LRP6: variants seen among roughly 807,000 people sequenced by gnomAD.
LRP6 encodes LDL receptor related protein 6.
In LRP6, 43 loss-of-function variants were observed where a neutral mutation model predicts 184.1. The ratio of observed to expected loss-of-function variants is 0.23; its 90% CI spans 0.18 to 0.30. LRP6 has a LOEUF of 0.30. Among genes scored for constraint, LRP6 ranks in the 10% least tolerant of loss-of-function variants. The probability of loss-of-function intolerance (pLI) is 1.00; values close to 1 mark genes in which losing one functional copy is unlikely to be tolerated. For synonymous variants in LRP6, 719 were observed against 684.9 expected, an observed-to-expected ratio of 1.05 and a Z score of -0.78; for missense variants, 1,571 against 2,005.3, an observed-to-expected ratio of 0.78 and a Z score of 4.14.
intron 17 of LRP6, among the ~76,000 whole-genome samples, chr12:12,132,955 C>T (rs1949778288): frequency 6.6e-6 from 1 of 152,122 alleles, no homozygotes; most frequent in African/African-American, 2.4e-5. Flanking sequence ...ATCTAGAGAA[C>T]CCATAACCTT....
At chr12:12,238,130 T>C (rs527888082) in intron 2 of LRP6, among the ~76,000 whole-genome samples, 8 of 151,804 alleles carry the variant, frequency 5.3e-5, no homozygotes, top group African/African-American at 1.9e-4. Context: ...AATTAAAATA[T>C]AGTCACTGAT....
chr12:12,251,909 G>T (rs1341665898), intron 1 of LRP6, among the ~76,000 whole-genome samples: 2 of 152,004 alleles, frequency 1.3e-5, no homozygotes, highest in African/African-American at 4.8e-5. Flanking sequence ...TCACCCTGTT[G>T]TCCAGGCTGG....
At chr12:12,233,680 G>C (rs1864850290) in intron 2 of LRP6, among the ~76,000 whole-genome samples, 1 of 152,120 alleles carries the variant, frequency 6.6e-6, no homozygotes, top group East Asian at 1.9e-4. Flanking sequence ...ACATTTCTGA[G>C]ACACAGATAT....
chr12:12,257,423 CA>C (rs947033294), intron 1 of LRP6, among the ~76,000 whole-genome samples: 1 of 150,466 alleles, frequency 6.6e-6, no homozygotes, highest in Admixed American at 6.6e-5. Flanking sequence ...TAAAAAAATA[CA>C]AAAAAAATTA....
intron 1 of LRP6, among the ~76,000 whole-genome samples, chr12:12,259,598 G>A (rs932184683): frequency 6.6e-6 from 1 of 152,124 alleles, no homozygotes; most frequent in Admixed American, 6.6e-5. Flanking sequence ...AACCTTTAGT[G>A]AGAATACTCA....
At chr12:12,171,085 G>A (rs1863025190) in intron 7 of LRP6, among the ~76,000 whole-genome samples, 1 of 151,306 alleles carries the variant, frequency 6.6e-6, no homozygotes, top group African/African-American at 2.5e-5. Flanking sequence ...GTTAAAACTA[G>A]GTAGTTCATG....
At chr12:12,245,882 T>G (rs978676534) in intron 1 of LRP6, among the ~76,000 whole-genome samples, 4 of 152,060 alleles carry the variant, frequency 2.6e-5, no homozygotes, top group African/African-American at 9.7e-5. Context: ...CTTTCTGTGA[T>G]GATGGAAATG....
chr12:12,138,864 G>C lies in LRP6; in HGVS notation c.3398-330C>G, dbSNP rs1254684978. 4.4e-6 allele frequency: 6 copies of C among 1,377,896 alleles called. No individual in the cohort carries two copies. The South Asian group carries it at 6.8e-5, about 16-fold the overall frequency. 85.4% of individuals were successfully genotyped at this position (1,377,896 alleles called of 1,614,324 possible). ...AAAATGGCACTTCTCTGGAGGAGCA[G>C]TGGTGGTGGACCCAGAGTTCTGAGT... is the stretch of plus-strand genomic sequence containing the variant. On this transcript the variant is annotated intron_variant, in intron 15 of 22. Transcript: ENST00000261349.
intron 10 of LRP6, among the ~76,000 whole-genome samples, chr12:12,161,388 C>T (rs114097864): frequency 1.4e-3 from 209 of 152,234 alleles, no homozygotes; most frequent in African/African-American, 4.2e-3. Context: ...CTGCTTTAGC[C>T]TCCAGAGTAG....
intron 2 of LRP6, among the ~76,000 whole-genome samples, chr12:12,210,537 A>G (rs1250268280): frequency 1.3e-5 from 2 of 152,208 alleles, no homozygotes; most frequent in Non-Finnish European, 2.9e-5. Context: ...ATTAACAGTC[A>G]AAGAAGTTGG....
chr12:12,187,662 T>C (rs1162231924), intron 3 of LRP6, among the ~76,000 whole-genome samples: 3 of 152,208 alleles, frequency 2.0e-5, no homozygotes, highest in Non-Finnish European at 2.9e-5. Context: ...AACATAAACA[T>C]GAGGCCAAAA....
Position 12,183,961 on chromosome 12 carries a change from T to G in LRP6, c.976+19A>C. ...TCCAATAGTTATAAAATTTTTCATT[T>G]TGGATAATATCTTCTTACCATCTTT... On this transcript the variant is annotated intron_variant, in intron 5 of 22. Transcript: ENST00000261349. 6.2e-7 allele frequency: 1 copy of G among 1,610,658 alleles called. No homozygotes were observed. Among genetic ancestry groups the G allele is most frequent in the Non-Finnish European group, 8.5e-7 (1 of 1,177,292 alleles).
At chr12:12,249,481 A>C (rs1865268793) in intron 1 of LRP6, 10 of 661,634 alleles carry the variant, frequency 1.5e-5, no homozygotes. Flanking sequence ...CGAAAAGAAA[A>C]ACCACAGGCC....
chr12:12,124,699 A>G (rs776155541), intron 21 of LRP6, 37 bp from the exon 22 acceptor site: 26 of 1,278,538 alleles, frequency 2.0e-5, no homozygotes, highest in Non-Finnish European at 2.8e-5. Flanking sequence ...TAAAATAACA[A>G]CATAGAAACT....
At chr12:12,256,008 A>T (rs958109699) in intron 1 of LRP6, among the ~76,000 whole-genome samples, 7 of 152,194 alleles carry the variant, frequency 4.6e-5, no homozygotes, top group Non-Finnish European at 8.8e-5. Context: ...CCCAGGTAAA[A>T]TAAGGTACAT....
chr12:12,147,329 A>C (rs773719731), intron 15 of LRP6, 37 bp downstream of exon 15: 1 of 1,604,462 alleles, frequency 6.2e-7, no homozygotes, highest in Non-Finnish European at 8.5e-7. Flanking sequence ...CATCTTAAAA[A>C]CTCAAATTAA....
At chr12:12,265,356 G>A (rs574688022) in intron 1 of LRP6, among the ~76,000 whole-genome samples, 3 of 152,210 alleles carry the variant, frequency 2.0e-5, no homozygotes, top group Non-Finnish European at 4.4e-5. Flanking sequence ...AATATAACAT[G>A]CAAACACAAT....
intron 7 of LRP6, among the ~76,000 whole-genome samples, chr12:12,175,953 A>T (rs1241277439): frequency 2.6e-5 from 4 of 152,082 alleles, no homozygotes; most frequent in African/African-American, 9.6e-5. Flanking sequence ...TATCAACGAT[A>T]TATCTTGGCT....
intron 3 of LRP6, among the ~76,000 whole-genome samples, chr12:12,188,777 G>A (rs192553581): frequency 1.3e-5 from 2 of 152,144 alleles, no homozygotes; most frequent in East Asian, 3.9e-4. Flanking sequence ...TTTTTAAATG[G>A]ACAGTTTTAT....
Sources: allele counts gnomAD v4.1 joint callset (sites outside exome capture counted in the v4.1 genomes callset), GRCh38; gene constraint gnomAD v4.1.1; transcripts MANE v1.5; gene names NCBI Gene and HGNC (gene_info 2026-07-23, HGNC 2026-07-21).